The following TCOF1 variants were observed in gnomAD, a reference collection of about 807,000 sequenced individuals.
TCOF1 encodes treacle protein.
In TCOF1, 33 loss-of-function variants were observed where a neutral mutation model predicts 149.0. The observed-to-expected ratio is 0.22, with a 90% CI of 0.17 to 0.30. TCOF1 has a LOEUF of 0.30. Ranked by LOEUF, TCOF1 falls within the 10% of genes least tolerant of loss-of-function variation. The pLI is 1.00. For missense variants in TCOF1, 1,728 were observed against 1,840.7 expected (o/e 0.94, Z 1.12); for synonymous variants, 789 against 738.8 (o/e 1.07, Z -1.10).
chr5:150,392,595 G>A (rs535022839), intron 21 of TCOF1, 110 bp from the exon 22 acceptor site: 2 of 1,022,280 alleles, frequency 2.0e-6, no homozygotes, highest in South Asian at 1.3e-5. Flanking sequence ...GCGGGGCAGG[G>A]GATGGGGGTG....
At chr5:150,398,496 C>T (rs758825183) in intron 25 of TCOF1, 45 bp downstream of exon 25, 3 of 1,613,210 alleles carry the variant, frequency 1.9e-6, no homozygotes, top group South Asian at 1.1e-5. Flanking sequence ...CAGACCCAAA[C>T]CCAAGCCCCC....
At chr5:150,367,997 G>T in intron 4 of TCOF1, 80 bp downstream of exon 4, 1 of 1,526,456 alleles carries the variant, frequency 6.6e-7, no homozygotes, top group Non-Finnish European at 9.0e-7. Context: ...GTCAGAGAAG[G>T]ATAGGGTTGT....
At position 150,370,491 on chromosome 5, in the gene TCOF1, G is replaced by A. The variant is rs546346773; in HGVS notation, c.639+889G>A. Among the ~76,000 whole-genome samples, 201 of 152,308 alleles carry A rather than the reference G, an allele frequency of 1.3e-3. 2 individuals are homozygous for A. The highest frequency in any genetic ancestry group is 4.4e-3 in the African/African-American group (185 of 41,574). On this transcript the variant is annotated intron_variant, in intron 6 of 26. Coordinates refer to ENST00000643257, the MANE Select transcript of TCOF1 (RefSeq NM_001371623.1). Reference sequence around the variant, plus strand: ...GTGCCTCAGCCTCCCAAGTAGCTGGGATTACAGGTGCACGCCACCACGCCT... The same window carrying A: ...GTGCCTCAGCCTCCCAAGTAGCTGGAATTACAGGTGCACGCCACCACGCCT...
At chr5:150,381,300 C>G (rs1263699214) in intron 17 of TCOF1, among the ~76,000 whole-genome samples, 1 of 152,222 alleles carries the variant, frequency 6.6e-6, no homozygotes, top group African/African-American at 2.4e-5. Context: ...GCCTTTGATA[C>G]ACCAAACCAA....
chr5:150,372,203 TGAG>T lies in TCOF1; in HGVS notation c.845_847del (p.Glu282del), dbSNP rs1160403859. ...AGAGTAGTGAGGAGGGATCTGAAAG[TGAG>T]GAGGAGGCCCCTGCAGGGACACGAA... is the stretch of plus-strand genomic sequence containing the variant. On this transcript the variant is annotated inframe_deletion, in exon 7 of 27. Transcript: ENST00000643257. 17 of 1,608,088 alleles carry T rather than the reference TGAG, an allele frequency of 1.1e-5. No individual in the cohort carries two copies. The highest frequency in any genetic ancestry group is 5.0e-5 in the Admixed American group (3 of 59,822).
At chr5:150,388,624 TA>T (rs1181285295) in intron 18 of TCOF1, among the ~76,000 whole-genome samples, 1 of 152,188 alleles carries the variant, frequency 6.6e-6, no homozygotes, top group African/African-American at 2.4e-5. Flanking sequence ...CAAGCAATAA[TA>T]CCTGATCCTG....
intron 17 of TCOF1, chr5:150,384,253 A>T (rs904378053): frequency 6.5e-5 from 64 of 990,830 alleles, no homozygotes; most frequent in Non-Finnish European, 7.7e-5. Context: ...ACCACCACCA[A>T]CATCGGTAAC....
intron 24 of TCOF1, 71 bp from the exon 25 acceptor site, chr5:150,398,275 CCCTGTGCA>C (rs1768998525): frequency 6.2e-7 from 1 of 1,602,042 alleles, no homozygotes; most frequent in African/African-American, 1.3e-5. Flanking sequence ...GGGAGCCCTG[CCCTGTGCA>C]CCTCCCAACA....
intron 17 of TCOF1, among the ~76,000 whole-genome samples, chr5:150,387,247 G>A (rs141619385): frequency 5.3e-5 from 8 of 152,348 alleles, no homozygotes; most frequent in African/African-American, 1.4e-4. Flanking sequence ...TAAAGGCCAC[G>A]TACGGCATTG....
intron 17 of TCOF1, among the ~76,000 whole-genome samples, chr5:150,382,845 C>T (rs895137450): frequency 2.0e-5 from 3 of 152,206 alleles, no homozygotes; most frequent in Non-Finnish European, 4.4e-5. Context: ...CTTTCATGTT[C>T]GGAGTCAGCT....
At chr5:150,387,794 T>A in intron 17 of TCOF1, 108 bp from the exon 18 acceptor site, 9 of 1,496,592 alleles carry the variant, frequency 6.0e-6, no homozygotes, top group African/African-American at 1.4e-5. Context: ...CAGCTGCCCC[T>A]GAGCTCAGTG....
In TCOF1 at chr5:150,374,745, G is replaced by T. The variant is rs560713844; in HGVS notation, c.1212G>T (p.Gly404=). Residue 404 remains glycine, a synonymous_variant, in exon 9 of 27, where the codon GGG becomes GGT. Coordinates refer to ENST00000643257, the MANE Select transcript of TCOF1 (RefSeq NM_001371623.1). The stretch of plus-strand genomic sequence containing the variant: ...CTGCAGTTGCCAAGGCCCAGGCGGG[G>T]AAGCGGGAGGAGGACTCGCAGAGCA... ...TGPAVAKAQA[G]KREEDSQSSS... is the part of the protein sequence containing the mutation. 2 of 1,613,310 alleles carry T rather than the reference G, an allele frequency of 1.2e-6. No individual in the cohort carries two copies. The highest frequency in any genetic ancestry group is 1.7e-6 in the Non-Finnish European group (2 of 1,179,826).
chr5:150,375,023 G>C lies in TCOF1; in HGVS notation c.1348G>C (p.Gly450Arg). ...SAPAKESPRK[G>R]AAPAPPRKTG... is the part of the protein sequence containing the mutation. ...CCCTGCCAAGGAGTCCCCCAGGAAAGGGGCTGCCCCAGCACCTCCTAGGAA... is the reference window on the plus strand; with the variant it reads ...CCCTGCCAAGGAGTCCCCCAGGAAACGGGCTGCCCCAGCACCTCCTAGGAA... The change falls in exon 10 of 27, where the codon GGG (glycine) becomes CGG (arginine). Residue 450 changes from glycine to arginine, a missense_variant. Physicochemically the swap from Gly to Arg is moderately radical, Grantham distance 125. Around this residue, in one of 2 missense-constraint regions of TCOF1, gnomAD observed 1,696 missense variants for 1,765.4 expected, o/e 0.96. Coordinates refer to ENST00000643257, the MANE Select transcript of TCOF1 (RefSeq NM_001371623.1). The C allele has an allele frequency of 6.2e-7, 1 of 1,614,056 alleles. No homozygotes were observed. Among genetic ancestry groups the C allele is most frequent in the Non-Finnish European group, 8.5e-7 (1 of 1,180,004 alleles).
chr5:150,399,608 G>A (rs978541148), intron 26 of TCOF1, among the ~76,000 whole-genome samples: 5 of 152,106 alleles, frequency 3.3e-5, no homozygotes, highest in African/African-American at 4.8e-5. Context: ...TGCAGAGCCC[G>A]CCTCCTGGGC....
chr5:150,393,161 T>C (rs1359021583), intron 22 of TCOF1: 5 of 626,020 alleles, frequency 8.0e-6, no homozygotes, highest in Non-Finnish European at 1.4e-5. Flanking sequence ...AATGTGCCTG[T>C]CTAGAAAGTG....
chr5:150,399,316 G>A (rs1769290800), intron 26 of TCOF1, among the ~76,000 whole-genome samples: 1 of 152,350 alleles, frequency 6.6e-6, no homozygotes, highest in East Asian at 1.9e-4. Context: ...TGCAGGGGTT[G>A]TGCATGCTTT....
In TCOF1 at chr5:150,368,885, G is replaced by A. The variant is rs146951407; in HGVS notation, c.548G>A (p.Gly183Glu). 23 of 1,613,582 alleles carry A rather than the reference G, an allele frequency of 1.4e-5. No homozygotes were observed. The African/African-American group carries it at 2.9e-4, about 21-fold the overall frequency. Residue 183 changes from glycine to glutamate, a missense_variant, in exon 5 of 27, where the codon GGA becomes GAA. Transcript: ENST00000643257. ...TEEEGSVPAF[G>E]AAAKPGMVSA... ...GAGGAGGGCAGCGTCCCGGCCTTTG[G>A]AGCTGCTGCCAAGCCTGGTAAGAAG...
In TCOF1 at chr5:150,362,869, T is replaced by C. The variant is rs112047179; in HGVS notation, c.165-1244T>C. ...ACACTCTTCCCTGCCACTGGCCCCTTCTATGGGTGAGGGGGACAAGGACCT... is the reference window on the plus strand; with the variant it reads ...ACACTCTTCCCTGCCACTGGCCCCTCCTATGGGTGAGGGGGACAAGGACCT... On this transcript the variant is annotated intron_variant, in intron 2 of 26. Transcript: ENST00000643257. Among the ~76,000 whole-genome samples, 906 of 152,214 alleles carry C rather than the reference T, an allele frequency of 6.0e-3. 8 individuals carry two copies. Among genetic ancestry groups the C allele is most frequent in the African/African-American group, 0.02 (845 of 41,532 alleles).
intron 23 of TCOF1, 41 bp from the exon 24 acceptor site, chr5:150,396,241 C>T: frequency 3.1e-6 from 5 of 1,607,582 alleles, no homozygotes; most frequent in South Asian, 1.1e-5. Context: ...ATCTGTCCCC[C>T]AACTCTCCCA....
Sources: gnomAD v4.1 joint callset for allele counts (sites outside exome capture counted in the v4.1 genomes callset) on GRCh38, gnomAD v4.1.1 for gene constraint, gnomAD v4.1.1 regional missense constraint, MANE v1.5 for transcripts, NCBI Gene and HGNC (gene_info 2026-07-23, HGNC 2026-07-21) for gene names.